Variants in TPRX1 observed in about 807,000 individuals in gnomAD.
TPRX1 encodes the protein tetra-peptide repeat homeobox protein 1.
A neutral mutation model predicts 8.1 loss-of-function variants in TPRX1; 2 were observed. The ratio of observed to expected loss-of-function variants is 0.25; its 90% CI spans 0.10 to 0.78. The LOEUF (loss-of-function observed/expected upper bound fraction) is 0.78. Ranked by LOEUF, TPRX1 falls within the 30% of genes least tolerant of loss-of-function variation. The pLI is 0.70. For missense variants in TPRX1, 517 were observed against 586.9 expected, an observed-to-expected ratio of 0.88 and a Z score of 1.23; for synonymous variants, 257 against 254.1, an observed-to-expected ratio of 1.01 and a Z score of -0.11.
intron 2 of TPRX1, among the ~76,000 whole-genome samples, chr19:47,814,513 A>G (rs1342165153): frequency 6.6e-6 from 1 of 152,136 alleles, no homozygotes; most frequent in Admixed American, 6.6e-5. Context: ...AATAAAGTTT[A>G]TCATTAACCT....
At chr19:47,808,353 G>T (rs974044071) in intron 2 of TPRX1, among the ~76,000 whole-genome samples, 1 of 151,976 alleles carries the variant, frequency 6.6e-6, no homozygotes, top group African/African-American at 2.4e-5. Context: ...GACCTCAGGT[G>T]ATCCACCCGC....
chr19:47,814,673 T>G (rs1967815403), intron 2 of TPRX1, among the ~76,000 whole-genome samples: 1 of 152,066 alleles, frequency 6.6e-6, no homozygotes, highest in Non-Finnish European at 1.5e-5. Context: ...GCTGGGAATG[T>G]TTTGGAAGGG....
chr19:47,816,215 CA>C, intron 2 of TPRX1, among the ~76,000 whole-genome samples: 1 of 151,686 alleles, frequency 6.6e-6, no homozygotes, highest in South Asian at 2.1e-4. Context: ...ATTATAGGCG[CA>C]CACCACCATA....
intron 2 of TPRX1, among the ~76,000 whole-genome samples, chr19:47,816,763 A>G (rs1967846900): frequency 6.7e-6 from 1 of 150,208 alleles, no homozygotes; most frequent in South Asian, 2.1e-4. Flanking sequence ...CGATCTCCTG[A>G]CCTCGTGATC....
intron 2 of TPRX1, among the ~76,000 whole-genome samples, chr19:47,811,562 G>C (rs35893188): frequency 0.26 from 38,264 of 147,824 alleles, 5,348 homozygotes; most frequent in Middle Eastern, 0.35. Flanking sequence ...ACAGTGGCGC[G>C]ATCTCGGCTC....
chr19:47,815,165 T>A (rs868484903), intron 2 of TPRX1, among the ~76,000 whole-genome samples: 3,048 of 105,876 alleles, frequency 0.029, 87 homozygotes, highest in Non-Finnish European at 0.036. Flanking sequence ...TATATATATT[T>A]TTTTTTTTTG....
chr19:47,818,419 C>T (rs1967870915), intron 2 of TPRX1: 6 of 452,580 alleles, frequency 1.3e-5, no homozygotes, highest in South Asian at 6.2e-5. Flanking sequence ...TCCATCCCTC[C>T]GTCCATCCAT....
intron 2 of TPRX1, among the ~76,000 whole-genome samples, chr19:47,807,831 A>G (rs1967748080): frequency 6.6e-6 from 1 of 152,312 alleles, no homozygotes; most frequent in South Asian, 2.1e-4. Context: ...TTCTCTTGCC[A>G]TTGATGAAGT....
At chr19:47,810,895 C>G (rs895298515) in intron 2 of TPRX1, among the ~76,000 whole-genome samples, 8 of 149,462 alleles carry the variant, frequency 5.4e-5, no homozygotes, top group African/African-American at 1.5e-4. Context: ...ATGAGGTTGG[C>G]CTTTGCTTTC....
At chr19:47,814,527 C>T (rs1358638609) in intron 2 of TPRX1, among the ~76,000 whole-genome samples, 1 of 152,140 alleles carries the variant, frequency 6.6e-6, no homozygotes, top group Non-Finnish European at 1.5e-5. Context: ...TTAACCTCTA[C>T]CCTGACTTTC....
chr19:47,811,810 C>A (rs1967786609), intron 2 of TPRX1, among the ~76,000 whole-genome samples: 1 of 149,908 alleles, frequency 6.7e-6, no homozygotes, highest in Admixed American at 6.7e-5. Flanking sequence ...GGCAACTTCA[C>A]AGAACATAAC....
Position 47,802,238 on chromosome 19 carries a change from G to A in TPRX1, c.1064C>T (p.Pro355Leu), listed in dbSNP as rs779478291. The A allele has an allele frequency of 6.6e-5, 106 of 1,606,502 alleles. No individual in the cohort carries two copies. Among genetic ancestry groups the A allele is most frequent in the Non-Finnish European group, 7.2e-5 (85 of 1,176,680 alleles). Residue 355 changes from proline (P) to leucine (L), a missense_variant, in exon 4 of 4, where the codon CCA becomes CTA. By Grantham distance (98) the Pro-to-Leu change is moderately conservative. Transcript: ENST00000535759. ...TATAATTGGGCCTGGGCCTGAGATT[G>A]GGCCTGGGATTGGGCCTGGGATCAG...
exon 4 of TPRX1, chr19:47,802,392 TCGGGCCTGG>T (rs1339195588): frequency 8.0e-6 from 8 of 999,622 alleles, no homozygotes; most frequent in Admixed American, 2.6e-5. Flanking sequence ...GGGCCTGGGA[TCGGGCCTGG>T]GATCGGGACT....
At chr19:47,809,086 T>C (rs932335598) in intron 2 of TPRX1, among the ~76,000 whole-genome samples, 9 of 152,054 alleles carry the variant, frequency 5.9e-5, no homozygotes, top group Middle Eastern at 3.2e-3. Flanking sequence ...GGCTTTTTTT[T>C]CCCTCCCAAA....
intron 2 of TPRX1, among the ~76,000 whole-genome samples, chr19:47,810,254 C>CAA (rs767070353): frequency 0.012 from 259 of 21,392 alleles, 33 homozygotes; most frequent in African/African-American, 0.016. Context: ...GACTCCATCT[C>CAA]AAAAAAAAAA....
At chr19:47,809,430 G>A (rs1249528511) in intron 2 of TPRX1, among the ~76,000 whole-genome samples, 1 of 151,960 alleles carries the variant, frequency 6.6e-6, no homozygotes, top group Admixed American at 6.6e-5. Context: ...ACAGGCGCAT[G>A]TGCCACCACA....
intron 2 of TPRX1, among the ~76,000 whole-genome samples, chr19:47,812,746 C>T (rs1297600137): frequency 1.3e-5 from 2 of 151,734 alleles, no homozygotes; most frequent in Admixed American, 1.3e-4. Context: ...AAGTGAGAAA[C>T]ACTGCACTTC....
exon 4 of TPRX1, chr19:47,802,347 G>T (rs1264399751): frequency 7.5e-7 from 1 of 1,334,082 alleles, no homozygotes; most frequent in Non-Finnish European, 1.0e-6. Context: ...CCTGGGATCG[G>T]GCCTGGGTTT....
chr19:47,802,061 A>ACTGAGC (rs750358346), exon 4 of TPRX1: 2 of 1,602,936 alleles, frequency 1.2e-6, no homozygotes, highest in Admixed American at 1.7e-5. Flanking sequence ...TGGAGCTGGG[A>ACTGAGC]CTGAGCCTGA....
Sources: gnomAD v4.1 joint callset for allele counts (sites outside exome capture counted in the v4.1 genomes callset) on GRCh38, gnomAD v4.1.1 for gene constraint, MANE v1.5 for transcripts, NCBI Gene and HGNC (gene_info 2026-07-23, HGNC 2026-07-21) for gene names.